The following MROH9 variants were observed in gnomAD, a reference collection of about 807,000 sequenced individuals.
The protein encoded by MROH9 is maestro heat-like repeat-containing protein family member 9.
Under a neutral mutation model 98.2 loss-of-function variants are expected in MROH9, and 92 were observed. The observed-to-expected ratio is 0.94, with a 90% CI of 0.79 to 1.11. The LOEUF (loss-of-function observed/expected upper bound fraction) is 1.11. MROH9 is among the 50% of genes most tolerant of loss of function. MROH9 has a pLI of 0.00. For missense variants in MROH9, 1,057 were observed against 1,014.8 expected (o/e 1.04, Z -0.57); for synonymous variants, 397 against 368.9 (o/e 1.08, Z -0.87).
chr1:171,016,300 C>T lies in MROH9; in HGVS notation c.1872C>T (p.Thr624=). The T allele has an allele frequency of 2.6e-6, 4 of 1,534,296 alleles. No individual in the cohort carries two copies. Among genetic ancestry groups the T allele is most frequent in the Non-Finnish European group, 3.5e-6 (4 of 1,138,932 alleles). ...ACAAAGTGACCTACTCTTTGGGTAC[C>T]AGAATTGGTTCCAGCTACTGTACTC... ...ELDKVTYSLG[T]RIGSSYCTLM... Residue 624 remains threonine, a synonymous_variant, in exon 17 of 22, where the codon ACC becomes ACT. Coordinates refer to ENST00000367759, the MANE Select transcript of MROH9 (RefSeq NM_001163629.2).
At chr1:170,989,566 C>T (rs911753407) in intron 10 of MROH9, among the ~76,000 whole-genome samples, 12 of 152,024 alleles carry the variant, frequency 7.9e-5, no homozygotes, top group East Asian at 3.8e-4. Context: ...TTTCCTATAC[C>T]GAGCTTATAT....
chr1:170,940,863 C>T lies in MROH9; in HGVS notation c.-37-4657C>T, dbSNP rs116660458. Among the ~76,000 whole-genome samples, 934 of 152,282 alleles carry T rather than the reference C, an allele frequency of 6.1e-3. 6 individuals are homozygous for T. The highest frequency in any genetic ancestry group is 0.021 in the African/African-American group (864 of 41,556). ...ACTATGTTCCTAGGTAGAGGCAGTTCTTGTGGCTTCCACTTGGCTTTTCTC... is the reference window on the plus strand; with the variant it reads ...ACTATGTTCCTAGGTAGAGGCAGTTTTTGTGGCTTCCACTTGGCTTTTCTC... On this transcript the variant is annotated intron_variant, in intron 1 of 21. Coordinates refer to ENST00000367759, the MANE Select transcript of MROH9 (RefSeq NM_001163629.2).
chr1:170,949,617 G>C (rs371299874), intron 3 of MROH9, among the ~76,000 whole-genome samples: 1 of 152,076 alleles, frequency 6.6e-6, no homozygotes, highest in East Asian at 1.9e-4. Context: ...GGGTCAAGTG[G>C]GCTGGTGTTT....
chr1:170,970,419 A>G (rs1307865830), intron 7 of MROH9, among the ~76,000 whole-genome samples: 1 of 152,068 alleles, frequency 6.6e-6, no homozygotes, highest in Non-Finnish European at 1.5e-5. Context: ...TGCAAACCCA[A>G]AGAAAAGGAC....
intron 3 of MROH9, among the ~76,000 whole-genome samples, chr1:170,954,826 T>C (rs1649698400): frequency 6.6e-6 from 1 of 152,088 alleles, no homozygotes; most frequent in Non-Finnish European, 1.5e-5. Context: ...TATGCCTTTT[T>C]TCCCATAAGT....
chr1:170,978,113 A>G (rs1045263421), intron 8 of MROH9, among the ~76,000 whole-genome samples: 6 of 152,158 alleles, frequency 3.9e-5, no homozygotes, highest in Non-Finnish European at 8.8e-5. Context: ...CTCTACTTCC[A>G]AGAAACATGG....
intron 3 of MROH9, among the ~76,000 whole-genome samples, chr1:170,951,799 A>G (rs1649563370): frequency 6.6e-6 from 1 of 152,124 alleles, no homozygotes; most frequent in African/African-American, 2.4e-5. Context: ...AGAGCAAAAC[A>G]ATGACCATCT....
chr1:170,976,957 T>C (rs1446164830), intron 8 of MROH9, among the ~76,000 whole-genome samples: 1 of 152,184 alleles, frequency 6.6e-6, no homozygotes, highest in East Asian at 1.9e-4. Context: ...TTTTTCTTTT[T>C]TTTCTGACTG....
chr1:171,054,647 C>A (rs1245332172), intron 20 of MROH9, among the ~76,000 whole-genome samples: 1 of 152,000 alleles, frequency 6.6e-6, no homozygotes, highest in Admixed American at 6.6e-5. Flanking sequence ...CTACAAGGAA[C>A]TCAAATCAGC....
At chr1:171,001,929 G>C (rs976830918) in intron 15 of MROH9, among the ~76,000 whole-genome samples, 2 of 152,070 alleles carry the variant, frequency 1.3e-5, no homozygotes, top group African/African-American at 4.8e-5. Flanking sequence ...TCTAGTATTA[G>C]GTGCAAATAT....
At chr1:171,014,018 T>C in intron 15 of MROH9, 99 bp from the exon 16 acceptor site, 1 of 972,428 alleles carries the variant, frequency 1.0e-6, no homozygotes, top group African/African-American at 1.6e-5. Flanking sequence ...TTTAGTGAGA[T>C]TTGCATTCTA....
At chr1:171,055,800 C>T (rs1653820951) in intron 20 of MROH9, among the ~76,000 whole-genome samples, 1 of 152,012 alleles carries the variant, frequency 6.6e-6, no homozygotes, top group Admixed American at 6.6e-5. Flanking sequence ...CACTGGCAAC[C>T]AAGGTAACCA....
intron 15 of MROH9, among the ~76,000 whole-genome samples, chr1:171,006,165 T>G (rs1651945378): frequency 6.6e-6 from 1 of 152,222 alleles, no homozygotes; most frequent in African/African-American, 2.4e-5. Context: ...TCTTTATCTC[T>G]ACTTAATTCT....
chr1:170,990,530 C>T (rs571907346), intron 11 of MROH9, among the ~76,000 whole-genome samples: 3 of 152,154 alleles, frequency 2.0e-5, no homozygotes, highest in East Asian at 1.9e-4. Context: ...AAAATACAAA[C>T]GCGAGTCTAT....
At chr1:170,941,282 A>G (rs772573097) in intron 1 of MROH9, among the ~76,000 whole-genome samples, 1 of 152,120 alleles carries the variant, frequency 6.6e-6, no homozygotes, top group Non-Finnish European at 1.5e-5. Context: ...TCACAGTATA[A>G]ATTTTGGTAG....
chr1:170,942,009 C>T (rs1183213904), intron 1 of MROH9, among the ~76,000 whole-genome samples: 2 of 152,174 alleles, frequency 1.3e-5, no homozygotes, highest in African/African-American at 2.4e-5. Context: ...ACTCCCTGAG[C>T]TGCACCATTA....
chr1:170,950,644 T>C (rs979500979), intron 3 of MROH9, among the ~76,000 whole-genome samples: 1 of 152,160 alleles, frequency 6.6e-6, no homozygotes, highest in African/African-American at 2.4e-5. Context: ...GTTCACTGTT[T>C]ACGCTTTTGT....
chr1:170,967,980 A>T (rs1650297869), intron 7 of MROH9, among the ~76,000 whole-genome samples: 1 of 152,194 alleles, frequency 6.6e-6, no homozygotes, highest in Non-Finnish European at 1.5e-5. Flanking sequence ...ATATTTTAAA[A>T]GTATAAATAC....
chr1:170,989,190 G>T (rs987297399), intron 10 of MROH9, among the ~76,000 whole-genome samples: 6 of 151,954 alleles, frequency 3.9e-5, no homozygotes, highest in Admixed American at 3.9e-4. Context: ...AATTTAAGAA[G>T]AAAAAAATGC....
Sources: allele counts gnomAD v4.1 joint callset (sites outside exome capture counted in the v4.1 genomes callset), GRCh38; gene constraint gnomAD v4.1.1; transcripts MANE v1.5; gene names NCBI Gene and HGNC (gene_info 2026-07-23, HGNC 2026-07-21).